SBF2: variants seen among roughly 807,000 people sequenced by gnomAD.
SBF2 encodes myotubularin-related protein 13.
Under a neutral mutation model 225.2 loss-of-function variants are expected in SBF2, and 112 were observed. That is an observed-to-expected ratio of 0.50 (90% CI 0.43 to 0.58). SBF2 has a LOEUF of 0.58. SBF2 is among the 20% of genes least tolerant of loss of function. The pLI is 0.00. For synonymous variants in SBF2, 763 were observed against 773.3 expected, an observed-to-expected ratio of 0.99 and a Z score of 0.22; for missense variants, 1,996 against 2,206.2, an observed-to-expected ratio of 0.90 and a Z score of 1.91.
At chr11:9,858,602 A>C (rs939574585) in intron 17 of SBF2, among the ~76,000 whole-genome samples, 1 of 152,218 alleles carries the variant, frequency 6.6e-6, no homozygotes, top group African/African-American at 2.4e-5. Context: ...AGTCTCAGTC[A>C]CTTTATCAAA....
chr11:9,961,764 A>G, intron 16 of SBF2, 193 bp downstream of exon 16: 1 of 523,652 alleles, frequency 1.9e-6, no homozygotes, highest in Non-Finnish European at 3.3e-6. Context: ...GAGAAAACAA[A>G]GAAAGAACAA....
At chr11:9,790,987 T>C (rs1852706063) in intron 33 of SBF2, 1 of 227,042 alleles carries the variant, frequency 4.4e-6, no homozygotes, top group African/African-American at 2.3e-5. Context: ...AAGAAGTCCA[T>C]GCAGGAGGCA....
chr11:10,264,493 G>C (rs925536001), intron 1 of SBF2, among the ~76,000 whole-genome samples: 2 of 151,732 alleles, frequency 1.3e-5, no homozygotes, highest in African/African-American at 4.8e-5. Context: ...ATTTACCAAG[G>C]GTCTTCCATG....
Position 10,287,845 on chromosome 11 carries a change from A to C in SBF2, c.55+6170T>G, listed in dbSNP as rs1013572159. ...AGCTCACGCTACCAGCCTGGATCCCATGCCTCCAAGAAAGACTGGAGTCAG... is the reference window on the plus strand; with the variant it reads ...AGCTCACGCTACCAGCCTGGATCCCCTGCCTCCAAGAAAGACTGGAGTCAG... On this transcript the variant is annotated intron_variant, in intron 1 of 39. Transcript: ENST00000256190. Among the ~76,000 whole-genome samples the C allele has an allele frequency of 8.5e-5, 13 of 152,278 alleles. No homozygotes were observed. In the East Asian group the frequency reaches 2.5e-3, roughly 29 times the overall value.
chr11:9,853,773 T>C (rs1372652822), intron 19 of SBF2, 61 bp from the exon 20 acceptor site: 8 of 1,455,082 alleles, frequency 5.5e-6, no homozygotes, highest in Admixed American at 1.7e-5. Context: ...GACTACTATA[T>C]AGTAGTCAAT....
intron 17 of SBF2, among the ~76,000 whole-genome samples, chr11:9,892,547 A>AATATAT (rs753773750): frequency 6.8e-6 from 1 of 147,706 alleles, no homozygotes; most frequent in Admixed American, 6.8e-5. Context: ...CTATCTGGAA[A>AATATAT]ATATATATAT....
chr11:10,148,924 G>A lies in SBF2; in HGVS notation c.141+44978C>T, dbSNP rs1284434527. Among the ~76,000 whole-genome samples the A allele has an allele frequency of 2.6e-5, 4 of 152,002 alleles. No homozygotes were observed. In the East Asian group the frequency reaches 7.7e-4, roughly 29 times the overall value. ...ATGGCTCCTGGCTTCACCCTCTATG[G>A]GTTTTCCTTGCCTGTTATCTCCCGT... On this transcript the variant is annotated intron_variant, in intron 2 of 39. Transcript: ENST00000256190.
chr11:10,094,569 C>T (rs1325524983), intron 2 of SBF2, among the ~76,000 whole-genome samples: 2 of 115,478 alleles, frequency 1.7e-5, no homozygotes, highest in Non-Finnish European at 3.5e-5. Flanking sequence ...CACTCTTGGT[C>T]TTGGCTCACT....
At chr11:10,182,500 A>G (rs1185927531) in intron 2 of SBF2, among the ~76,000 whole-genome samples, 3 of 152,170 alleles carry the variant, frequency 2.0e-5, no homozygotes, top group Non-Finnish European at 4.4e-5. Context: ...GCTACCATTT[A>G]CAGCAATCAA....
At chr11:10,098,200 C>T (rs1010012822) in intron 2 of SBF2, among the ~76,000 whole-genome samples, 3 of 152,074 alleles carry the variant, frequency 2.0e-5, no homozygotes, top group Non-Finnish European at 4.4e-5. Context: ...TGATTCTGAA[C>T]ATTTCAGGAC....
chr11:9,872,582 A>G (rs1378624374), intron 17 of SBF2, among the ~76,000 whole-genome samples: 11 of 152,234 alleles, frequency 7.2e-5, no homozygotes, highest in Non-Finnish European at 1.6e-4. Flanking sequence ...GTCATTAGGG[A>G]AATGAAAATG....
chr11:9,890,029 A>G (rs183875097), intron 17 of SBF2, among the ~76,000 whole-genome samples: 40 of 152,178 alleles, frequency 2.6e-4, no homozygotes, highest in Admixed American at 7.2e-4. Flanking sequence ...TCGGCCTCCC[A>G]AGTAACTGGG....
intron 6 of SBF2, among the ~76,000 whole-genome samples, chr11:10,011,369 G>C (rs1414888020): frequency 6.6e-6 from 1 of 152,084 alleles, no homozygotes; most frequent in Non-Finnish European, 1.5e-5. Context: ...TGGGACCATA[G>C]GTGTACACCA....
chr11:10,057,844 C>A (rs754424006), intron 2 of SBF2, among the ~76,000 whole-genome samples: 2 of 152,162 alleles, frequency 1.3e-5, no homozygotes, highest in Non-Finnish European at 2.9e-5. Context: ...ACCAACTGAC[C>A]AATAAGCCTA....
intron 1 of SBF2, among the ~76,000 whole-genome samples, chr11:10,262,776 T>C (rs1039132896): frequency 6.6e-6 from 1 of 152,154 alleles, no homozygotes. Flanking sequence ...GAGTCCTTGA[T>C]TAATGAAATA....
chr11:10,216,730 T>A (rs1324167392), intron 1 of SBF2, among the ~76,000 whole-genome samples: 1 of 151,776 alleles, frequency 6.6e-6, no homozygotes, highest in Non-Finnish European at 1.5e-5. Context: ...ACTAGCCGGG[T>A]GTGGTGGCGG....
At chr11:9,934,265 T>G (rs189526847) in intron 16 of SBF2, among the ~76,000 whole-genome samples, 288 of 152,238 alleles carry the variant, frequency 1.9e-3, no homozygotes, top group Admixed American at 3.6e-3. Context: ...CTGGAAGAAG[T>G]TGAATCTCTG....
rs914793498 is a variant in SBF2, at chr11:10,303,426, C to T, written n.386+1066G>A. On this transcript the variant is annotated intron_variant and non_coding_transcript_variant, in intron 1 of 5. Coordinates refer to the SBF2 transcript ENST00000685217. This position sits in a 1 kb window ranked among gnomAD's most constrained non-coding sequence, Gnocchi z 5.2. ...CCATTTCTTCCCCAGGTGCAATGTC[C>T]ACTGTTGAGTCCCGAGAGTGAAAAG... 13 of 152,346 alleles carry T rather than the reference C, an allele frequency of 8.5e-5. No homozygotes were observed. Among genetic ancestry groups the T allele is most frequent in the Admixed American group, 5.2e-4 (8 of 15,288 alleles). The allele number at this position is 152,346 out of a possible 1,614,324, so 9.4% of individuals were successfully genotyped here. A position where few individuals can be genotyped will look rare whatever the true frequency, so the allele number is the denominator to read the frequency against.
At chr11:10,071,711 G>A (rs962396562) in intron 2 of SBF2, among the ~76,000 whole-genome samples, 1 of 152,182 alleles carries the variant, frequency 6.6e-6, no homozygotes, top group African/African-American at 2.4e-5. Context: ...ATGAAGGGCT[G>A]TTGAATTTTG....
Sources: gnomAD v4.1 joint callset for allele counts (sites outside exome capture counted in the v4.1 genomes callset) on GRCh38, gnomAD v4.1.1 for gene constraint, Gnocchi (gnomAD v3.1) non-coding constraint, MANE v1.5 for transcripts, NCBI Gene and HGNC (gene_info 2026-07-23, HGNC 2026-07-21) for gene names.